LRRC1: variants seen among roughly 807,000 people sequenced by gnomAD.
The protein encoded by LRRC1 is leucine rich repeat containing 1.
In LRRC1, 28 loss-of-function variants were observed where a neutral mutation model predicts 69.9. The ratio of observed to expected loss-of-function variants is 0.40; its 90% CI spans 0.30 to 0.55. The LOEUF is 0.55. LRRC1 is among the 20% of genes least tolerant of loss of function. The pLI is 0.47. For missense variants in LRRC1, 498 were observed against 609.0 expected (o/e 0.82, Z 1.92); for synonymous variants, 236 against 240.2 (o/e 0.98, Z 0.16).
At chr6:53,862,337 A>G (rs1284141070) in intron 2 of LRRC1, among the ~76,000 whole-genome samples, 1 of 149,932 alleles carries the variant, frequency 6.7e-6, no homozygotes, top group African/African-American at 2.5e-5. Flanking sequence ...ATGTTTATGT[A>G]TATAGTTTTG....
intron 2 of LRRC1, among the ~76,000 whole-genome samples, chr6:53,871,771 G>A (rs1320285972): frequency 2.0e-5 from 3 of 152,164 alleles, no homozygotes; most frequent in South Asian, 4.2e-4. Context: ...AGGTTCAAGC[G>A]ATTCTCCCGC....
rs201139117 is a variant in LRRC1 at position 53,865,359 on chromosome 6, CA to C, written c.278-13633del. On this transcript the variant is annotated intron_variant, in intron 2 of 13. Coordinates refer to ENST00000370888, the MANE Select transcript of LRRC1 (RefSeq NM_018214.5). ...ACATCTTATATATTTTCTCCTTAAA[CA>C]CTCAAAACACAAACGTAATTAGACT... is the stretch of plus-strand genomic sequence containing the variant. Among the ~76,000 whole-genome samples, 300 of 152,210 alleles carry C rather than the reference CA, an allele frequency of 2.0e-3. 4 individuals carry two copies. In the East Asian group the frequency reaches 0.041, roughly 21 times the overall value.
intron 2 of LRRC1, among the ~76,000 whole-genome samples, chr6:53,877,917 A>G (rs1340891991): frequency 6.6e-6 from 1 of 151,946 alleles, no homozygotes; most frequent in Non-Finnish European, 1.5e-5. Context: ...AACCCACTCT[A>G]CTGGTACCAG....
In LRRC1 at chr6:53,874,281, A is replaced by G. The variant is rs1440927767; in HGVS notation, c.278-4712A>G. Among the ~76,000 whole-genome samples the G allele has an allele frequency of 2.0e-5, 3 of 152,268 alleles. No individual in the cohort carries two copies. In the East Asian group the frequency reaches 5.8e-4, roughly 29 times the overall value. ...ATAAAAGGGCTACAGCCGAATTTGT[A>G]CTAAGGGTCCACAAATGTTCGTGAG... On this transcript the variant is annotated intron_variant, in intron 2 of 13. Transcript: ENST00000370888.
At chr6:53,808,082 A>G (rs896892111) in intron 1 of LRRC1, among the ~76,000 whole-genome samples, 1 of 152,214 alleles carries the variant, frequency 6.6e-6, no homozygotes, top group African/African-American at 2.4e-5. Flanking sequence ...TCATAAGCCT[A>G]TGAGATACCT....
intron 2 of LRRC1, among the ~76,000 whole-genome samples, chr6:53,858,598 G>A (rs1204854950): frequency 6.6e-6 from 1 of 152,180 alleles, no homozygotes; most frequent in Non-Finnish European, 1.5e-5. Context: ...TGAATGGAGT[G>A]ATTTTTTAGG....
chr6:53,862,202 G>T (rs550809018), intron 2 of LRRC1, among the ~76,000 whole-genome samples: 1 of 152,114 alleles, frequency 6.6e-6, no homozygotes, highest in East Asian at 1.9e-4. Context: ...TTGAGTGAAA[G>T]ATATGTATCA....
chr6:53,831,521 A>T (rs907727882), intron 1 of LRRC1, among the ~76,000 whole-genome samples: 1 of 152,170 alleles, frequency 6.6e-6, no homozygotes, highest in African/African-American at 2.4e-5. Flanking sequence ...TTGTTAAGAG[A>T]TGAATTCTTG....
At position 53,795,189 on chromosome 6, in the gene LRRC1, G is replaced by A. The variant is rs1044175626; in HGVS notation, c.-68G>A. 2.8e-6 allele frequency: 4 copies of A among 1,428,286 alleles called. No homozygotes were observed. Among genetic ancestry groups the A allele is most frequent in the Non-Finnish European group, 3.7e-6 (4 of 1,069,740 alleles). 88.5% of individuals were successfully genotyped at this position (1,428,286 alleles called of 1,614,324 possible). ...GGGCAGCGGACTGAGCGGAGCCGCC[G>A]GCCAGAGCGGGCTCGGAGCCCGGGT... is the stretch of plus-strand genomic sequence containing the variant. On this transcript the variant is annotated 5_prime_UTR_variant, in exon 1 of 14. Transcript: ENST00000370888.
chr6:53,919,361 A>G (rs189719709), intron 11 of LRRC1, 137 bp from the exon 12 acceptor site: 1 of 703,038 alleles, frequency 1.4e-6, no homozygotes, highest in Admixed American at 3.3e-5. Flanking sequence ...TCTTAAAAAC[A>G]TAACACCGTT....
At chr6:53,839,131 GA>G (rs1360728669) in intron 1 of LRRC1, among the ~76,000 whole-genome samples, 1 of 151,634 alleles carries the variant, frequency 6.6e-6, no homozygotes, top group Non-Finnish European at 1.5e-5. Flanking sequence ...TTTCTTATTT[GA>G]AATGTATGTT....
At chr6:53,874,741 A>G (rs1767009881) in intron 2 of LRRC1, among the ~76,000 whole-genome samples, 1 of 152,202 alleles carries the variant, frequency 6.6e-6, no homozygotes, top group Non-Finnish European at 1.5e-5. Context: ...AGCAAGAACC[A>G]GGAGAAATCT....
At chr6:53,859,022 C>T (rs1766409409) in intron 2 of LRRC1, among the ~76,000 whole-genome samples, 1 of 152,142 alleles carries the variant, frequency 6.6e-6, no homozygotes, top group Non-Finnish European at 1.5e-5. Flanking sequence ...ACTACGCACT[C>T]TCTGCATGTC....
chr6:53,856,279 G>C (rs1197144226), intron 2 of LRRC1, among the ~76,000 whole-genome samples: 1 of 152,206 alleles, frequency 6.6e-6, no homozygotes, highest in East Asian at 1.9e-4. Context: ...TGGGTTCTGT[G>C]CTAGAAGCTA....
chr6:53,901,503 A>G (rs1316696115), intron 8 of LRRC1, among the ~76,000 whole-genome samples: 1 of 151,814 alleles, frequency 6.6e-6, no homozygotes, highest in Non-Finnish European at 1.5e-5. Context: ...CCGTGATTGT[A>G]CCGGGGTACT....
chr6:53,812,644 C>G (rs555343878), intron 1 of LRRC1, among the ~76,000 whole-genome samples: 1 of 133,328 alleles, frequency 7.5e-6, no homozygotes, highest in Non-Finnish European at 1.5e-5. Context: ...GAGCCGAGAT[C>G]GCGCCACTGC....
chr6:53,909,143 G>A (rs555258065), intron 10 of LRRC1, among the ~76,000 whole-genome samples: 1 of 152,340 alleles, frequency 6.6e-6, no homozygotes, highest in South Asian at 2.1e-4. Flanking sequence ...CATACCAAGT[G>A]TCCACAGAGG....
intron 8 of LRRC1, among the ~76,000 whole-genome samples, chr6:53,900,793 C>T (rs919748117): frequency 3.9e-5 from 6 of 152,170 alleles, no homozygotes; most frequent in South Asian, 4.1e-4. Flanking sequence ...TAAACAGATA[C>T]GGACTTGGGA....
At position 53,892,011 on chromosome 6, in the gene LRRC1, T is replaced by TATATACAC. The variant is rs1428852703; in HGVS notation, c.447-4486_447-4485insTATACACA. Among the ~76,000 whole-genome samples the TATATACAC allele has an allele frequency of 2.3e-4, 31 of 135,376 alleles. 1 individual carries two copies. Among genetic ancestry groups the TATATACAC allele is most frequent in the African/African-American group, 8.3e-4 (29 of 35,038 alleles). 88.8% of individuals were successfully genotyped at this position (135,376 alleles called of 152,430 possible). A position where few individuals can be genotyped will look rare whatever the true frequency, so the allele number is the denominator to read the frequency against. On this transcript the variant is annotated intron_variant, in intron 4 of 13. Transcript: ENST00000370888. ...TGTCTAAAAAAAAAATATATATATA[T>TATATACAC]ACACACACACACACACACACACACA...
Sources: allele counts gnomAD v4.1 joint callset (sites outside exome capture counted in the v4.1 genomes callset), GRCh38; gene constraint gnomAD v4.1.1; transcripts MANE v1.5; gene names NCBI Gene and HGNC (gene_info 2026-07-23, HGNC 2026-07-21).